The following KARS1 variants were observed in gnomAD, a reference collection of about 807,000 sequenced individuals.
The protein encoded by KARS1 is lysine--tRNA ligase.
A neutral mutation model predicts 63.9 loss-of-function variants in KARS1; 50 were observed. The observed-to-expected ratio is 0.78, with a 90% CI of 0.62 to 0.99. The LOEUF (loss-of-function observed/expected upper bound fraction) is 0.99, where lower values mean the gene tolerates loss of function less well. Among genes scored for constraint, KARS1 ranks in the 50% least tolerant of loss-of-function variants. KARS1 has a pLI of 0.00. For synonymous variants in KARS1, 320 were observed against 264.6 expected (o/e 1.21, Z -2.03); for missense variants, 816 against 754.5 (o/e 1.08, Z -0.95).
At chr16:75,639,930 T>C in intron 3 of KARS1, 1 of 519,474 alleles carries the variant, frequency 1.9e-6, no homozygotes, top group Non-Finnish European at 3.5e-6. Flanking sequence ...CTTCTACCGC[T>C]GATTCTTGCT....
Position 75,634,224 on chromosome 16 carries a change from G to A in KARS1, c.864C>T (p.Asn288=), listed in dbSNP as rs147818487. The part of the protein sequence containing the change: ...AVAKPFITYH[N]ELDMNLYMRI... Reference sequence around the variant, plus strand: ...TCATATATAAGTTCATGTCCAGCTCGTTGTGATAAGTGATGAAAGGCTTGG... The same window carrying A: ...TCATATATAAGTTCATGTCCAGCTCATTGTGATAAGTGATGAAAGGCTTGG... The change falls in exon 7 of 14, where the codon AAC becomes AAT. Residue 288 remains asparagine, a synonymous_variant. Coordinates refer to ENST00000302445, the MANE Select transcript of KARS1 (RefSeq NM_005548.3). 36 of 1,613,724 alleles carry A rather than the reference G, an allele frequency of 2.2e-5. No homozygotes were observed. The African/African-American group carries it at 3.9e-4, about 17-fold the overall frequency.
chr16:75,643,187 T>C (rs2082243471), intron 1 of KARS1, among the ~76,000 whole-genome samples: 1 of 152,100 alleles, frequency 6.6e-6, no homozygotes, highest in African/African-American at 2.4e-5. Context: ...GAGGGATATC[T>C]TTACTATTCA....
rs1215383330 is a variant in KARS1, at chr16:75,629,482, A to G, written c.1484T>C (p.Ile495Thr). ...RFELFVMKKE[I>T]CNAYTELNDP... ...ATTCAGCTCAGTATACGCATTGCATATCTCTTTCTTCATGACAAACAGCTC... is the reference window on the plus strand; with the variant it reads ...ATTCAGCTCAGTATACGCATTGCATGTCTCTTTCTTCATGACAAACAGCTC... Residue 495 changes from isoleucine (I) to threonine (T), a missense_variant, in exon 12 of 14, where the codon ATA (isoleucine) becomes ACA (threonine). Ile to Thr is a moderately conservative substitution (Grantham distance 89). Transcript: ENST00000302445. The G allele has an allele frequency of 6.2e-7, 1 of 1,614,112 alleles. No individual in the cohort carries two copies. Among genetic ancestry groups the G allele is most frequent in the Non-Finnish European group, 8.5e-7 (1 of 1,179,980 alleles).
chr16:75,640,349 G>A lies in KARS1; in HGVS notation c.223C>T (p.Gln75Ter). The change falls in exon 3 of 14, where the codon CAA (glutamine) becomes TAA (stop). Residue 75 changes from glutamine (Q) to a stop codon, truncating the protein, a stop_gained and splice_region_variant. Transcript: ENST00000302445. LOFTEE classifies it high-confidence loss of function. ...GCTTGACTGCGGATTTTGTAGTATT[G>A]CTGTTAAAAAAAAAAAAAAAAAAGC... is the stretch of plus-strand genomic sequence containing the variant. ...GPEEESVDPN[Q>*]YYKIRSQAIH... 6.3e-7 allele frequency: 1 copy of A among 1,583,640 alleles called. No individual in the cohort carries two copies. Among genetic ancestry groups the A allele is most frequent in the Non-Finnish European group, 8.6e-7 (1 of 1,166,370 alleles).
chr16:75,640,162 A>G (rs767119555), intron 3 of KARS1, 22 bp downstream of exon 3: 1 of 1,611,386 alleles, frequency 6.2e-7, no homozygotes, highest in South Asian at 1.1e-5. Flanking sequence ...GAGTTCAGTG[A>G]TTTGCCAGGG....
In KARS1 at chr16:75,635,807, T is replaced by C; in HGVS notation, c.670-2A>G. ...GTATCTCTGGCGATACCTTGTTTCC[T>C]AAACCAAAAGCAGCAGTTAGAAATC... On this transcript the variant is annotated splice_acceptor_variant, in intron 5 of 13. Coordinates refer to ENST00000302445, the MANE Select transcript of KARS1 (RefSeq NM_005548.3). LOFTEE classifies it high-confidence loss of function. The C allele has an allele frequency of 6.2e-7, 1 of 1,614,204 alleles. No individual in the cohort carries two copies. Among genetic ancestry groups the C allele is most frequent in the African/African-American group, 1.3e-5 (1 of 75,056 alleles).
chr16:75,631,809 T>C lies in KARS1; in HGVS notation c.962A>G (p.Gln321Arg). ...GIDRVYEIGRQFRNEGIDLTH... is the reference protein window; with the variant it reads ...GIDRVYEIGRRFRNEGIDLTH... ...CAAATCAATCCCCTCATTCCGGAAC[T>C]GGCGTCCAATTTCATAAACCCGGTC... The change falls in exon 8 of 14, where the codon CAG (glutamine) becomes CGG (arginine). Residue 321 changes from glutamine to arginine, a missense_variant. Transcript: ENST00000302445. The C allele has an allele frequency of 6.2e-7, 1 of 1,614,118 alleles. No individual in the cohort carries two copies. Among genetic ancestry groups the C allele is most frequent in the Non-Finnish European group, 8.5e-7 (1 of 1,180,030 alleles).
intron 12 of KARS1, 180 bp from the exon 13 acceptor site, chr16:75,628,892 C>G: frequency 1.4e-6 from 1 of 704,560 alleles, no homozygotes. Flanking sequence ...TTTCAAAGAC[C>G]TGGAGGTCAG....
Position 75,641,681 on chromosome 16 carries a change from C to T in KARS1, c.105G>A (p.Glu35=). 6.2e-7 allele frequency: 1 copy of T among 1,614,028 alleles called. No homozygotes were observed. Among genetic ancestry groups the T allele is most frequent in the Non-Finnish European group, 8.5e-7 (1 of 1,180,024 alleles). The change falls in exon 2 of 14, where the codon GAG becomes GAA. Residue 35 remains glutamate, a synonymous_variant. Transcript: ENST00000302445. ...RRLKAEKKVA[E]KEAKQKELSE... is the part of the protein sequence containing the mutation. Reference sequence around the variant, plus strand: ...TGAGCTCTTTCTGTTTGGCCTCCTTCTCTGCTACTTTCTTCTCAGCTTTCA... The same window carrying T: ...TGAGCTCTTTCTGTTTGGCCTCCTTTTCTGCTACTTTCTTCTCAGCTTTCA...
chr16:75,640,410 C>A (rs1258762989), intron 2 of KARS1, 61 bp from the exon 3 acceptor site: 2 of 1,546,684 alleles, frequency 1.3e-6, no homozygotes, highest in Non-Finnish European at 8.9e-7. Flanking sequence ...CCAGTGGGGC[C>A]CACCTAGCAG....
Position 75,634,111 on chromosome 16 carries a change from T to C in KARS1, c.915+62A>G, listed in dbSNP as rs780722583. 7 of 1,566,828 alleles carry C rather than the reference T, an allele frequency of 4.5e-6. No homozygotes were observed. The East Asian group carries it at 1.3e-4, about 30-fold the overall frequency. ...CCTCTTATTTCTGACTATACCCATC[T>C]AGCCAGTGGTATTCCAGCTTTCTGC... On this transcript the variant is annotated intron_variant, in intron 7 of 13. Transcript: ENST00000302445.
At chr16:75,642,346 G>C (rs980874710) in intron 1 of KARS1, among the ~76,000 whole-genome samples, 1 of 151,800 alleles carries the variant, frequency 6.6e-6, no homozygotes, top group Non-Finnish European at 1.5e-5. Flanking sequence ...GGGATTACAG[G>C]TGTGTACCAC....
At chr16:75,640,662 T>C (rs549940336) in intron 2 of KARS1, among the ~76,000 whole-genome samples, 151 of 152,362 alleles carry the variant, frequency 9.9e-4, no homozygotes, top group Non-Finnish European at 1.8e-3. Context: ...CACATTTGCA[T>C]GGTGAGTCGA....
rs942859264 is a variant in KARS1 at position 75,631,477 on chromosome 16, T to C, written c.1191A>G (p.Val397=). ...FTPPFRRINM[V]EELEKALGMK... is the part of the protein sequence containing the mutation. Reference sequence around the variant, plus strand: ...TCCCCAGGGCTTTCTCAAGCTCTTCTACCATGTTGATTCGCCGGAAGGGTG... The same window carrying C: ...TCCCCAGGGCTTTCTCAAGCTCTTCCACCATGTTGATTCGCCGGAAGGGTG... The change falls in exon 9 of 14, where the codon GTA becomes GTG. Residue 397 remains valine, a synonymous_variant. Coordinates refer to ENST00000302445, the MANE Select transcript of KARS1 (RefSeq NM_005548.3). 2 of 1,614,210 alleles carry C rather than the reference T, an allele frequency of 1.2e-6. No homozygotes were observed. Among genetic ancestry groups the C allele is most frequent in the Middle Eastern group, 1.6e-4 (1 of 6,062 alleles).
Position 75,628,001 on chromosome 16 carries a change from A to C in KARS1, c.1696-8T>G. 1 of 1,526,364 alleles carries C rather than the reference A, an allele frequency of 6.6e-7. No individual in the cohort carries two copies. Among genetic ancestry groups the C allele is most frequent in the Non-Finnish European group, 9.1e-7 (1 of 1,100,068 alleles). The allele number at this position is 1,526,364 out of a possible 1,614,324, so 94.6% of individuals were successfully genotyped here. ...AGGAAACAGAAGTACTTCCTGTGGG[A>C]GATAAGAATGTACCTTGAAGCTGAG... On this transcript the variant is annotated splice_region_variant and splice_polypyrimidine_tract_variant and intron_variant, in intron 13 of 13. Coordinates refer to ENST00000302445, the MANE Select transcript of KARS1 (RefSeq NM_005548.3).
intron 5 of KARS1, 38 bp from the exon 6 acceptor site, chr16:75,635,843 C>G: frequency 1.2e-6 from 2 of 1,614,120 alleles, no homozygotes; most frequent in African/African-American, 1.3e-5. Flanking sequence ...ACTGGTATGT[C>G]TGATCCAAAG....
In KARS1 at chr16:75,630,422, C is replaced by A; in HGVS notation, c.1424+1G>T. 1 of 1,580,064 alleles carries A rather than the reference C, an allele frequency of 6.3e-7. No individual in the cohort carries two copies. The highest frequency in any genetic ancestry group is 8.7e-7 in the Non-Finnish European group (1 of 1,151,104). ...GCAGCAATAGGTAACTGGAATCTTA[C>A]CATTTAGCCAAAGGGCTCATTATCT... On this transcript the variant is annotated splice_donor_variant, in intron 11 of 13. Coordinates refer to ENST00000302445, the MANE Select transcript of KARS1 (RefSeq NM_005548.3). LOFTEE classifies it high-confidence loss of function.
At chr16:75,639,571 CAA>C (rs35021757) in intron 3 of KARS1, among the ~76,000 whole-genome samples, 18 of 79,810 alleles carry the variant, frequency 2.3e-4, no homozygotes, top group Middle Eastern at 6.5e-3. Flanking sequence ...GACTATATCT[CAA>C]AAAAAAAAAA....
Position 75,631,795 on chromosome 16 carries a change from C to T in KARS1, c.976G>A (p.Gly326Arg). The change falls in exon 8 of 14, where the codon GGG (glycine) becomes AGG (arginine). Residue 326 changes from glycine (G) to arginine (R), a missense_variant. Transcript: ENST00000302445. The stretch of plus-strand genomic sequence containing the variant: ...TCAGGATTGTGCGTCAAATCAATCC[C>T]CTCATTCCGGAACTGGCGTCCAATT... ...YEIGRQFRNE[G>R]IDLTHNPEFT... is the part of the protein sequence containing the mutation. 1 of 1,614,170 alleles carries T rather than the reference C, an allele frequency of 6.2e-7. No individual in the cohort carries two copies. The highest frequency in any genetic ancestry group is 1.3e-5 in the African/African-American group (1 of 75,030).
Sources: allele counts gnomAD v4.1 joint callset (sites outside exome capture counted in the v4.1 genomes callset), GRCh38; gene constraint gnomAD v4.1.1; transcripts MANE v1.5; gene names NCBI Gene and HGNC (gene_info 2026-07-23, HGNC 2026-07-21).